The following CNOT1 variants were observed in gnomAD, a reference collection of about 807,000 sequenced individuals.
CNOT1 encodes the protein CCR4-associated factor 1.
A neutral mutation model predicts 273.8 loss-of-function variants in CNOT1; 15 were observed. The observed-to-expected ratio is 0.05, with a 90% CI of 0.04 to 0.08. The LOEUF (loss-of-function observed/expected upper bound fraction) is 0.08, where lower values mean the gene tolerates loss of function less well. Ranked by LOEUF, CNOT1 falls within the 10% of genes least tolerant of loss-of-function variation. The pLI, the probability that CNOT1 is intolerant of heterozygous loss-of-function variation, is 1.00. For missense variants in CNOT1, 1,644 were observed against 2,912.2 expected (o/e 0.56, Z 10.02); for synonymous variants, 1,022 against 1,005.5 (o/e 1.02, Z -0.31).
chr16:58,616,537 G>A (rs1447326683), intron 1 of CNOT1, among the ~76,000 whole-genome samples: 2 of 152,180 alleles, frequency 1.3e-5, no homozygotes, highest in Non-Finnish European at 2.9e-5. Flanking sequence ...GATTACAGGT[G>A]TGAGCCACAG....
At chr16:58,599,128 G>A (rs1597562200) in intron 2 of CNOT1, 108 bp downstream of exon 2, 1 of 1,447,380 alleles carries the variant, frequency 6.9e-7, no homozygotes, top group South Asian at 1.2e-5. Context: ...GAATTAAGGG[G>A]CAAAAGTTAG....
rs2040650948 is a variant in CNOT1 at position 58,556,960 on chromosome 16, A to G, written c.2366T>C (p.Ile789Thr). ...AGGGAGTCCAAGAGCACCAGTTCCT[A>G]TACCAGTCAGGCTGCCTGTGCCAAG... ...GGLGTGSLTG[I>T]GTGALGLPAV... The change falls in exon 19 of 49, where the codon ATA becomes ACA. Residue 789 changes from isoleucine to threonine, a missense_variant. Ile to Thr is a moderately conservative substitution (Grantham distance 89). Coordinates refer to ENST00000317147, the MANE Select transcript of CNOT1 (RefSeq NM_016284.5). 1 of 1,614,022 alleles carries G rather than the reference A, an allele frequency of 6.2e-7. No individual in the cohort carries two copies. The highest frequency in any genetic ancestry group is 1.3e-5 in the African/African-American group (1 of 74,934).
In CNOT1 at chr16:58,547,548, C is replaced by A. The variant is rs774250824; in HGVS notation, c.3639+18G>T. 6.3e-7 allele frequency: 1 copy of A among 1,599,714 alleles called. No homozygotes were observed. Among genetic ancestry groups the A allele is most frequent in the South Asian group, 1.1e-5 (1 of 88,626 alleles). On this transcript the variant is annotated intron_variant, in intron 26 of 48. Coordinates refer to ENST00000317147, the MANE Select transcript of CNOT1 (RefSeq NM_016284.5). The surrounding 1 kb of genome is among the most constrained non-coding windows in gnomAD (Gnocchi z 4.0). Reference sequence around the variant, plus strand: ...GTGCTGAAGATTCTCAATTTTTACACATTTAGATGAAACTCACAGTGTGTA... The same window carrying A: ...GTGCTGAAGATTCTCAATTTTTACAAATTTAGATGAAACTCACAGTGTGTA...
intron 10 of CNOT1, 66 bp downstream of exon 10, chr16:58,582,727 A>C (rs924189552): frequency 3.2e-6 from 3 of 942,924 alleles, no homozygotes; most frequent in Middle Eastern, 2.1e-4. Context: ...ATTCTTAAAA[A>C]TTTGCTTTCT....
At chr16:58,618,452 C>T (rs1477185112) in intron 1 of CNOT1, among the ~76,000 whole-genome samples, 1 of 151,858 alleles carries the variant, frequency 6.6e-6, no homozygotes, top group African/African-American at 2.4e-5. Flanking sequence ...CATGGTGGTG[C>T]ACATCTGTAA....
chr16:58,538,240 T>A lies in CNOT1; in HGVS notation c.5162A>T (p.Tyr1721Phe). 1 of 1,396,404 alleles carries A rather than the reference T, an allele frequency of 7.2e-7. No homozygotes were observed. The highest frequency in any genetic ancestry group is 1.0e-6 in the Non-Finnish European group (1 of 981,248). 86.5% of individuals were successfully genotyped at this position (1,396,404 alleles called of 1,614,324 possible). Residue 1721 changes from tyrosine (Y) to phenylalanine (F), a missense_variant, in exon 37 of 49, where the codon TAT (tyrosine) becomes TTT (phenylalanine). Coordinates refer to ENST00000317147, the MANE Select transcript of CNOT1 (RefSeq NM_016284.5). ...CTCCACAGCCTCCACATTATATTTA[T>A]ATTCATCTCGACATTCAATTAGGCA... ...TRCLIECRDE[Y>F]KYNVEAVELL...
intron 28 of CNOT1, 62 bp downstream of exon 28, chr16:58,546,610 C>T (rs1179770134): frequency 6.2e-7 from 1 of 1,612,464 alleles, no homozygotes; most frequent in Non-Finnish European, 8.5e-7. Context: ...CCTGCCTTCA[C>T]TGTAAGTTTT....
intron 13 of CNOT1, 31 bp downstream of exon 13, chr16:58,578,667 GA>G: frequency 6.2e-7 from 1 of 1,605,536 alleles, no homozygotes; most frequent in Non-Finnish European, 8.5e-7. Context: ...TTATTCAGAT[GA>G]AAAAATGGTA....
At chr16:58,528,798 T>C (rs1438123566) in intron 43 of CNOT1, 150 bp from the exon 44 acceptor site, 2 of 571,754 alleles carry the variant, frequency 3.5e-6, no homozygotes, top group Non-Finnish European at 3.0e-6. Flanking sequence ...ATTAACATTA[T>C]CACAGATGAT....
chr16:58,533,567 C>T (rs1036837274), intron 40 of CNOT1, among the ~76,000 whole-genome samples: 1 of 152,096 alleles, frequency 6.6e-6, no homozygotes, highest in African/African-American at 2.4e-5. Context: ...ATCTGGGAGG[C>T]GGAGCTTGCA....
In CNOT1 at chr16:58,576,118, C is replaced by CTTTTTT. The variant is rs1488277591; in HGVS notation, c.1704+339_1704+344dup. 4.1e-5 allele frequency among the ~76,000 whole-genome samples: 6 copies of CTTTTTT among 147,702 alleles called. No individual in the cohort carries two copies. The East Asian group carries it at 7.8e-4, about 19-fold the overall frequency. On this transcript the variant is annotated intron_variant, in intron 14 of 48. Transcript: ENST00000317147. ...AAGCATTTACTTTTTTTCCTTTTTT[C>CTTTTTT]TTTTTTTTTTGAGATGGAGTCTCAC...
At chr16:58,528,373 G>T in intron 44 of CNOT1, 102 bp downstream of exon 44, 1 of 799,744 alleles carries the variant, frequency 1.3e-6, no homozygotes. Flanking sequence ...AACTAATAGT[G>T]TGCGTGTTAT....
At chr16:58,608,767 C>T (rs1020145540) in intron 1 of CNOT1, among the ~76,000 whole-genome samples, 4 of 152,048 alleles carry the variant, frequency 2.6e-5, no homozygotes, top group South Asian at 4.1e-4. Flanking sequence ...ATATACACAA[C>T]GGAATAGTAC....
intron 31 of CNOT1, chr16:58,543,369 G>T: frequency 1.3e-6 from 2 of 1,545,108 alleles, no homozygotes; most frequent in South Asian, 2.4e-5. Context: ...ACAAATATTT[G>T]GGTATCTACT....
At chr16:58,604,545 G>A (rs2042594231) in intron 1 of CNOT1, among the ~76,000 whole-genome samples, 1 of 151,274 alleles carries the variant, frequency 6.6e-6, no homozygotes, top group East Asian at 1.9e-4. Context: ...ACTTTGGGAG[G>A]CCAAGGCGGG....
chr16:58,535,402 C>T (rs554041113), intron 39 of CNOT1, among the ~76,000 whole-genome samples: 7 of 152,142 alleles, frequency 4.6e-5, no homozygotes, highest in East Asian at 1.9e-4. Context: ...CAAGGAGGAG[C>T]GCAAGAAGGA....
intron 39 of CNOT1, among the ~76,000 whole-genome samples, chr16:58,535,155 C>T (rs915064123): frequency 1.3e-5 from 2 of 151,946 alleles, no homozygotes; most frequent in African/African-American, 4.8e-5. Flanking sequence ...AAGAACAGTT[C>T]ACTACTTACT....
chr16:58,572,333 T>C (rs983510117), intron 16 of CNOT1, among the ~76,000 whole-genome samples: 4 of 151,552 alleles, frequency 2.6e-5, no homozygotes, highest in African/African-American at 7.3e-5. Flanking sequence ...CAATAATAGA[T>C]AGATCTACAA....
intron 13 of CNOT1, among the ~76,000 whole-genome samples, chr16:58,577,292 C>A (rs537156146): frequency 9.7e-4 from 148 of 152,260 alleles, no homozygotes; most frequent in Non-Finnish European, 1.9e-3. Context: ...TGAGGAGATG[C>A]AGCTCGTTTA....
Sources: gnomAD v4.1 joint callset for allele counts (sites outside exome capture counted in the v4.1 genomes callset) on GRCh38, gnomAD v4.1.1 for gene constraint, Gnocchi (gnomAD v3.1) non-coding constraint, MANE v1.5 for transcripts, NCBI Gene and HGNC (gene_info 2026-07-23, HGNC 2026-07-21) for gene names.